The following ZNF208 variants were observed in gnomAD, a reference collection of about 807,000 sequenced individuals.
ZNF208 encodes zinc finger protein 208.
A neutral mutation model predicts 12.1 loss-of-function variants in ZNF208; 10 were observed. The ratio of observed to expected loss-of-function variants is 0.83; its 90% confidence interval spans 0.51 to 1.40. The LOEUF is 1.40. Ranked by LOEUF, ZNF208 falls within the 40% of genes most tolerant of loss-of-function variation. ZNF208 has a pLI of 0.00. For missense variants in ZNF208, 1,652 were observed against 1,485.0 expected, an observed-to-expected ratio of 1.11 and a Z score of -1.85; for synonymous variants, 497 against 488.4, an observed-to-expected ratio of 1.02 and a Z score of -0.23.
intron 4 of ZNF208, among the ~76,000 whole-genome samples, chr19:21,947,223 G>C (rs933531356): frequency 1.1e-4 from 17 of 152,132 alleles, no homozygotes; most frequent in African/African-American, 3.9e-4. Context: ...TCATGGCACT[G>C]TATGAGAGAA....
Position 21,987,206 on chromosome 19 carries a change from T to G in ZNF208, c.226+10A>C. The G allele has an allele frequency of 1.2e-6, 2 of 1,608,748 alleles. No individual in the cohort carries two copies. The highest frequency in any genetic ancestry group is 1.7e-6 in the Non-Finnish European group (2 of 1,178,024). On this transcript the variant is annotated intron_variant, in intron 3 of 3. Coordinates refer to ENST00000397126, the MANE Select transcript of ZNF208 (RefSeq NM_007153.3). ...TCTCATCCATGTTGTCTGTATTCAC[T>G]CTCACCTACCTGGGGATTCTTCCAC...
intron 1 of ZNF208, among the ~76,000 whole-genome samples, chr19:21,999,468 T>C (rs548967753): frequency 1.3e-5 from 2 of 152,306 alleles, no homozygotes; most frequent in East Asian, 3.9e-4. Context: ...TGAACTCTTC[T>C]GGCTTTTGCA....
intron 1 of ZNF208, among the ~76,000 whole-genome samples, chr19:21,996,711 T>C (rs973555774): frequency 5.3e-5 from 8 of 152,204 alleles, no homozygotes; most frequent in African/African-American, 1.9e-4. Context: ...TTCTCACGTC[T>C]ACAGGTCTAC....
rs10425763 is a variant in ZNF208, at chr19:21,973,116, T to C, written c.1918A>G (p.Lys640Glu). ...TTAATAAAGGTTTTGCCACATTCTT[T>C]ACATTTGTAGGGCTTCTCTCCAGCA... ...IHAGEKPYKCKECGKTFIKVS... is the reference protein window; with the variant it reads ...IHAGEKPYKCEECGKTFIKVS... Residue 640 changes from lysine (K) to glutamate (E), a missense_variant, in exon 4 of 4, where the codon AAA (lysine) becomes GAA (glutamate). This residue lies in a region of ZNF208 where 1,239 missense variants were observed against 1,086.2 expected (regional missense o/e 1.14). Coordinates refer to ENST00000397126, the MANE Select transcript of ZNF208 (RefSeq NM_007153.3). The C allele has an allele frequency of 0.26, 242,139 of 949,458 alleles. 50,623 individuals carry two copies. The highest frequency in any genetic ancestry group is 0.4 in the East Asian group (15,334 of 37,968). 58.8% of individuals were successfully genotyped at this position (949,458 alleles called of 1,614,324 possible).
At chr19:22,009,293 CAG>C (rs1317137114) in intron 1 of ZNF208, among the ~76,000 whole-genome samples, 1 of 152,098 alleles carries the variant, frequency 6.6e-6, no homozygotes, top group East Asian at 1.9e-4. Flanking sequence ...TACTGCAAGC[CAG>C]AGTCAGGCTG....
chr19:21,985,831 G>A (rs1299225452), intron 3 of ZNF208, among the ~76,000 whole-genome samples: 2 of 152,114 alleles, frequency 1.3e-5, no homozygotes, highest in African/African-American at 4.8e-5. Flanking sequence ...AATGCTCTCT[G>A]GTACTCAGTG....
rs2145546539 is a variant in ZNF208, at chr19:21,972,324, G to A, written c.2710C>T (p.Leu904Phe). The A allele has an allele frequency of 6.2e-7, 1 of 1,613,498 alleles. No homozygotes were observed. Among genetic ancestry groups the A allele is most frequent in the South Asian group, 1.1e-5 (1 of 91,002 alleles). ...CGKGFSMFSI[L>F]TKHEVIHTGE... ...GTATGAATTACCTCATGTTTAGTAA[G>A]GATGGAGAACATACTAAAACCTTTG... The change falls in exon 4 of 4, where the codon CTT (leucine) becomes TTT (phenylalanine). Residue 904 changes from leucine to phenylalanine, a missense_variant. Physicochemically the swap from Leu to Phe is conservative, Grantham distance 22. Transcript: ENST00000397126.
chr19:21,982,873 T>C (rs571986343), intron 3 of ZNF208, among the ~76,000 whole-genome samples: 18 of 152,230 alleles, frequency 1.2e-4, no homozygotes, highest in African/African-American at 4.3e-4. Flanking sequence ...TCAAGATGGA[T>C]TGAAGATTTA....
chr19:21,953,748 A>G (rs898518278), intron 4 of ZNF208, among the ~76,000 whole-genome samples: 1 of 152,018 alleles, frequency 6.6e-6, no homozygotes, highest in African/African-American at 2.4e-5. Flanking sequence ...GAAACCATCA[A>G]TTATCAGGCA....
chr19:21,961,016 T>C (rs538753112), intron 4 of ZNF208, among the ~76,000 whole-genome samples: 1 of 152,314 alleles, frequency 6.6e-6, no homozygotes, highest in Non-Finnish European at 1.5e-5. Context: ...CCAATGCCAA[T>C]GAATAAGAAT....
chr19:21,992,418 T>C (rs2145572215), intron 1 of ZNF208, among the ~76,000 whole-genome samples: 1 of 152,360 alleles, frequency 6.6e-6, no homozygotes, highest in South Asian at 2.1e-4. Context: ...TTTTTAGTAG[T>C]GATTTTAAAT....
rs571711026 is a variant in ZNF208 at position 21,941,632 on chromosome 19, T to C, written c.306-8395A>G. 32 of 375,578 alleles carry C rather than the reference T, an allele frequency of 8.5e-5. No homozygotes were observed. In the South Asian group the frequency reaches 3.5e-3, roughly 41 times the overall value. 23.3% of individuals were successfully genotyped at this position (375,578 alleles called of 1,614,324 possible). A position where few individuals can be genotyped will look rare whatever the true frequency, so the allele number is the denominator to read the frequency against. ...ATGAAGTTGACATTTGTATGGCTTA[T>C]GAAGTTTTTGATAGTCTTGCATTAG... is the stretch of plus-strand genomic sequence containing the variant. On this transcript the variant is annotated intron_variant, in intron 4 of 4. Coordinates refer to the ZNF208 transcript ENST00000599916.
chr19:21,990,143 C>G (rs1361843939), intron 1 of ZNF208, among the ~76,000 whole-genome samples: 2 of 152,090 alleles, frequency 1.3e-5, no homozygotes, highest in Non-Finnish European at 2.9e-5. Context: ...GTGTTTTAGA[C>G]ATGAAGTCCT....
At chr19:21,974,984 A>C (rs1281630967) in intron 3 of ZNF208, among the ~76,000 whole-genome samples, 177 bp from the exon 4 acceptor site, 1 of 152,170 alleles carries the variant, frequency 6.6e-6, no homozygotes, top group Non-Finnish European at 1.5e-5. Flanking sequence ...ACCGAAATAC[A>C]TATGTGGATA....
chr19:21,971,953 T>C lies in ZNF208; in HGVS notation c.3081A>G (p.Thr1027=), dbSNP rs913941517. 2.5e-6 allele frequency: 4 copies of C among 1,576,250 alleles called. No homozygotes were observed. In the African/African-American group the frequency reaches 4.1e-5, roughly 16 times the overall value. Residue 1027 remains threonine, a synonymous_variant, in exon 4 of 4, where the codon ACA becomes ACG. Coordinates refer to ENST00000397126, the MANE Select transcript of ZNF208 (RefSeq NM_007153.3). ...MEHKKIHTGE[T]PYKCEECDKA... is the part of the protein sequence containing the mutation. ...TGTCACATTCTTCACATTTGTAGGG[T>C]GTCTCTCCAGTGTGAATTTTCTTAT...
At chr19:21,955,445 C>T (rs1270979248) in intron 4 of ZNF208, among the ~76,000 whole-genome samples, 3 of 152,162 alleles carry the variant, frequency 2.0e-5, no homozygotes, top group Non-Finnish European at 4.4e-5. Context: ...TTCCATTCTC[C>T]CTGTCACTTT....
At chr19:21,979,582 T>C (rs941345233) in intron 3 of ZNF208, among the ~76,000 whole-genome samples, 8 of 152,148 alleles carry the variant, frequency 5.3e-5, no homozygotes, top group African/African-American at 1.7e-4. Context: ...AAGGAAGCAC[T>C]AAACATAAAA....
intron 4 of ZNF208, among the ~76,000 whole-genome samples, chr19:21,960,904 A>T (rs907412398): frequency 6.6e-6 from 1 of 152,204 alleles, no homozygotes; most frequent in Non-Finnish European, 1.5e-5. Flanking sequence ...AAAAGAAAGC[A>T]ACCCTATTCA....
chr19:22,009,907 C>T (rs1022157301), intron 1 of ZNF208, among the ~76,000 whole-genome samples: 3 of 152,144 alleles, frequency 2.0e-5, no homozygotes, highest in African/African-American at 7.2e-5. Context: ...ACCACAAGGC[C>T]GGGCGCGGTG....
Sources: allele counts gnomAD v4.1 joint callset (sites outside exome capture counted in the v4.1 genomes callset), GRCh38; gene constraint gnomAD v4.1.1; regional missense constraint gnomAD v4.1.1; transcripts MANE v1.5; gene names NCBI Gene and HGNC (gene_info 2026-07-23, HGNC 2026-07-21).